MAST2: variants seen among roughly 807,000 people sequenced by gnomAD.
MAST2 encodes microtubule associated serine/threonine kinase 2, also known as microtubule-associated serine/threonine-protein kinase 2.
Under a neutral mutation model 147.4 loss-of-function variants are expected in MAST2, and 70 were observed. The observed-to-expected ratio is 0.47, with a 90% CI of 0.39 to 0.58. The LOEUF is 0.58. Among genes scored for constraint, MAST2 ranks in the 20% least tolerant of loss-of-function variants. MAST2 has a pLI of 0.00. For missense variants in MAST2, 2,080 were observed against 2,302.3 expected (o/e 0.90, Z 1.98); for synonymous variants, 869 against 896.8 (o/e 0.97, Z 0.55).
Position 46,031,644 on chromosome 1 carries a change from C to T in MAST2, c.3187+59C>T, listed in dbSNP as rs1228286751. On this transcript the variant is annotated intron_variant, in intron 24 of 28. Transcript: ENST00000361297. The surrounding 1 kb of genome is among the most constrained non-coding windows in gnomAD (Gnocchi z 4.1). ...AGGAAGGGCCTTGTAATCTCTAGGCCTTGGGAGGGTTCTGCACGTGGCAGG... is the reference window on the plus strand; with the variant it reads ...AGGAAGGGCCTTGTAATCTCTAGGCTTTGGGAGGGTTCTGCACGTGGCAGG... 4 of 1,529,888 alleles carry T rather than the reference C, an allele frequency of 2.6e-6. No individual in the cohort carries two copies. The African/African-American group carries it at 5.5e-5, about 21-fold the overall frequency. 94.8% of individuals were successfully genotyped at this position (1,529,888 alleles called of 1,614,324 possible).
intron 3 of MAST2, among the ~76,000 whole-genome samples, chr1:45,831,051 C>T (rs1047605947): frequency 3.4e-5 from 5 of 148,536 alleles, no homozygotes; most frequent in African/African-American, 1.2e-4. Flanking sequence ...AAAAAAAAAG[C>T]CTTTTGTTTG....
At chr1:45,865,450 G>A (rs1251250223) in intron 3 of MAST2, among the ~76,000 whole-genome samples, 3 of 152,036 alleles carry the variant, frequency 2.0e-5, no homozygotes, top group South Asian at 2.1e-4. Flanking sequence ...GATTGTTTAC[G>A]GTGAACATAT....
intron 1 of MAST2, among the ~76,000 whole-genome samples, chr1:45,809,430 C>G (rs934536050): frequency 6.6e-6 from 1 of 152,182 alleles, no homozygotes; most frequent in Non-Finnish European, 1.5e-5. Flanking sequence ...GTTGCTTGAG[C>G]TCAGGAGTTT....
intron 2 of MAST2, among the ~76,000 whole-genome samples, chr1:45,828,838 C>G (rs1030363034): frequency 6.6e-6 from 1 of 151,946 alleles, no homozygotes; most frequent in Admixed American, 6.6e-5. Flanking sequence ...GCAGGAGAAT[C>G]GCTTGAGCCT....
Position 45,807,273 on chromosome 1 carries a change from C to T in MAST2, c.177+3201C>T, listed in dbSNP as rs184176220. Among the ~76,000 whole-genome samples, 437 of 152,196 alleles carry T rather than the reference C, an allele frequency of 2.9e-3. 8 individuals are homozygous for T. The highest frequency in any genetic ancestry group is 5.6e-4 in the Non-Finnish European group (38 of 68,016). On this transcript the variant is annotated intron_variant, in intron 1 of 28. Coordinates refer to ENST00000361297, the MANE Select transcript of MAST2 (RefSeq NM_015112.3). Reference sequence around the variant, plus strand: ...GTGTCTTTGTCTTGTGTTTTCTCTTCCTGTTCCTGAAATGTTCCTTGAGGA... The same window carrying T: ...GTGTCTTTGTCTTGTGTTTTCTCTTTCTGTTCCTGAAATGTTCCTTGAGGA...
chr1:45,920,848 AT>A (rs904274689), intron 4 of MAST2, among the ~76,000 whole-genome samples: 14 of 150,730 alleles, frequency 9.3e-5, no homozygotes, highest in South Asian at 8.4e-4. Flanking sequence ...ACACATGTTC[AT>A]TTTTTTTTCG....
At chr1:45,842,807 G>C (rs1388530953) in intron 3 of MAST2, among the ~76,000 whole-genome samples, 1 of 152,124 alleles carries the variant, frequency 6.6e-6, no homozygotes, top group Non-Finnish European at 1.5e-5. Flanking sequence ...GATATACCTG[G>C]GGTGGAATCA....
intron 4 of MAST2, among the ~76,000 whole-genome samples, chr1:45,899,055 T>G (rs1035196401): frequency 3.3e-5 from 5 of 152,166 alleles, no homozygotes; most frequent in African/African-American, 1.2e-4. Flanking sequence ...CTACCATTGT[T>G]CAATTCTTCC....
intron 4 of MAST2, among the ~76,000 whole-genome samples, chr1:45,940,777 G>A (rs1171318391): frequency 6.6e-6 from 1 of 151,954 alleles, no homozygotes; most frequent in Non-Finnish European, 1.5e-5. Context: ...CTGTCACCAC[G>A]CCCTGCTAAT....
At chr1:45,843,922 A>G (rs761826960) in intron 3 of MAST2, among the ~76,000 whole-genome samples, 9 of 152,238 alleles carry the variant, frequency 5.9e-5, no homozygotes, top group African/African-American at 9.6e-5. Context: ...AAGTAAAAGA[A>G]CACATTAAAT....
chr1:45,899,600 G>T (rs1649397210), intron 4 of MAST2, among the ~76,000 whole-genome samples: 1 of 151,828 alleles, frequency 6.6e-6, no homozygotes, highest in Non-Finnish European at 1.5e-5. Context: ...TAGAATAATG[G>T]CCTCCAGCTA....
intron 3 of MAST2, among the ~76,000 whole-genome samples, chr1:45,838,264 C>T (rs750392687): frequency 2.9e-5 from 4 of 140,174 alleles, no homozygotes; most frequent in African/African-American, 5.4e-5. Context: ...CTGTTGCCCA[C>T]GCTGGAGCGC....
At chr1:46,003,783 A>G (rs1245791495) in intron 7 of MAST2, among the ~76,000 whole-genome samples, 3 of 152,126 alleles carry the variant, frequency 2.0e-5, no homozygotes, top group African/African-American at 7.2e-5. Context: ...CTTTTTATTA[A>G]AACCACAGTG....
chr1:45,932,648 G>A (rs1290682491), intron 4 of MAST2, among the ~76,000 whole-genome samples: 1 of 152,138 alleles, frequency 6.6e-6, no homozygotes, highest in African/African-American at 2.4e-5. Flanking sequence ...ACTCTGGCCT[G>A]GGAGACAGAG....
At chr1:45,938,200 T>A (rs1013772230) in intron 4 of MAST2, among the ~76,000 whole-genome samples, 2 of 152,272 alleles carry the variant, frequency 1.3e-5, no homozygotes, top group Middle Eastern at 3.2e-3. Flanking sequence ...ACATTTATAT[T>A]GTTTGCAGTT....
intron 4 of MAST2, among the ~76,000 whole-genome samples, chr1:45,888,972 G>A (rs933503349): frequency 2.0e-5 from 3 of 151,876 alleles, no homozygotes; most frequent in Non-Finnish European, 2.9e-5. Flanking sequence ...CACTGTGCCC[G>A]GCTGGTGTTC....
At chr1:45,984,528 T>C (rs1046554074) in intron 5 of MAST2, among the ~76,000 whole-genome samples, 4 of 151,968 alleles carry the variant, frequency 2.6e-5, no homozygotes, top group African/African-American at 9.7e-5. Context: ...AGGCTGGTCT[T>C]GAACTCTTGG....
At chr1:46,018,654 C>G (rs1419014374) in intron 10 of MAST2, among the ~76,000 whole-genome samples, 3 of 152,120 alleles carry the variant, frequency 2.0e-5, no homozygotes, top group Non-Finnish European at 4.4e-5. Context: ...ACGGTTCTGC[C>G]ACACTGACGT....
intron 4 of MAST2, among the ~76,000 whole-genome samples, chr1:45,941,654 T>TGTTTATTCC (rs1657292164): frequency 6.6e-6 from 1 of 151,958 alleles, no homozygotes; most frequent in Non-Finnish European, 1.5e-5. Context: ...CCAATCTTTT[T>TGTTTATTCC]TATTTGTTTA....
Sources: gnomAD v4.1 joint callset for allele counts (sites outside exome capture counted in the v4.1 genomes callset) on GRCh38, gnomAD v4.1.1 for gene constraint, Gnocchi (gnomAD v3.1) non-coding constraint, MANE v1.5 for transcripts, NCBI Gene and HGNC (gene_info 2026-07-23, HGNC 2026-07-21) for gene names.